The following NTRK3 variants were observed in gnomAD, a reference collection of about 807,000 sequenced individuals.
The protein encoded by NTRK3 is neurotrophic receptor tyrosine kinase 3.
A neutral mutation model predicts 91.7 loss-of-function variants in NTRK3; 24 were observed. The observed-to-expected ratio is 0.26, with a 90% CI of 0.19 to 0.37. The LOEUF (loss-of-function observed/expected upper bound fraction) is 0.37. Ranked by LOEUF, NTRK3 falls within the 10% of genes least tolerant of loss-of-function variation. The pLI is 1.00. For missense variants in NTRK3, 880 were observed against 1,068.9 expected (o/e 0.82, Z 2.46); for synonymous variants, 483 against 404.0 (o/e 1.20, Z -2.34).
chr15:88,239,394 C>A (rs865936738), intron 3 of NTRK3, among the ~76,000 whole-genome samples: 5 of 151,636 alleles, frequency 3.3e-5, no homozygotes, highest in African/African-American at 1.2e-4. Flanking sequence ...TCAACTACAC[C>A]TTGGGGGCAA....
At chr15:88,161,581 C>A (rs964575736) in intron 5 of NTRK3, among the ~76,000 whole-genome samples, 3 of 152,182 alleles carry the variant, frequency 2.0e-5, no homozygotes, top group African/African-American at 7.2e-5. Context: ...CCTGGACTAA[C>A]TGGGACCATG....
chr15:88,160,581 C>T (rs2044357539), intron 5 of NTRK3, among the ~76,000 whole-genome samples: 1 of 152,184 alleles, frequency 6.6e-6, no homozygotes, highest in Non-Finnish European at 1.5e-5. Flanking sequence ...ACTTCCTCTG[C>T]CCCACTTCTA....
chr15:87,912,544 T>C (rs1179456256), intron 17 of NTRK3, among the ~76,000 whole-genome samples: 1 of 152,096 alleles, frequency 6.6e-6, no homozygotes, highest in Non-Finnish European at 1.5e-5. Context: ...AGAGGAGCAC[T>C]GAATTCACAG....
At chr15:88,070,403 G>C (rs2047000282) in intron 13 of NTRK3, among the ~76,000 whole-genome samples, 2 of 151,986 alleles carry the variant, frequency 1.3e-5, no homozygotes, top group Admixed American at 1.3e-4. Context: ...AGGGGCGCTG[G>C]GGTCTCTGTG....
chr15:88,113,802 C>G (rs185214223), intron 13 of NTRK3, among the ~76,000 whole-genome samples: 230 of 152,252 alleles, frequency 1.5e-3, no homozygotes, highest in African/African-American at 5.2e-3. Flanking sequence ...GCAACAGAAA[C>G]CATATGGCCA....
intron 14 of NTRK3, chr15:87,979,296 G>A: frequency 7.5e-7 from 1 of 1,331,996 alleles, no homozygotes; most frequent in Non-Finnish European, 1.1e-6. Context: ...CTCTCAGAGG[G>A]CCCAGCCTAC....
intron 14 of NTRK3, among the ~76,000 whole-genome samples, chr15:87,955,918 G>A (rs1025265521): frequency 3.9e-5 from 6 of 152,094 alleles, no homozygotes; most frequent in Non-Finnish European, 7.4e-5. Flanking sequence ...TCTCCAGCAG[G>A]GAATAAGAGA....
chr15:87,954,261 G>A (rs1045833743), intron 14 of NTRK3, among the ~76,000 whole-genome samples: 1 of 152,072 alleles, frequency 6.6e-6, no homozygotes, highest in Non-Finnish European at 1.5e-5. Flanking sequence ...TATGTGAGAT[G>A]AGATGTTTCC....
At chr15:87,889,652 G>A (rs940302241) in intron 17 of NTRK3, among the ~76,000 whole-genome samples, 2 of 151,972 alleles carry the variant, frequency 1.3e-5, no homozygotes, top group Non-Finnish European at 2.9e-5. Context: ...CCTTAAAGTT[G>A]CAACAGGGGC....
intron 3 of NTRK3, among the ~76,000 whole-genome samples, chr15:88,197,010 A>G (rs1271197093): frequency 2.2e-5 from 3 of 138,402 alleles, no homozygotes; most frequent in Middle Eastern, 3.9e-3. Context: ...TGGTCAGTCA[A>G]TTTTAACTTA....
intron 13 of NTRK3, among the ~76,000 whole-genome samples, chr15:88,106,213 G>A (rs1396515186): frequency 6.6e-6 from 1 of 152,220 alleles, no homozygotes; most frequent in Non-Finnish European, 1.5e-5. Context: ...CTGCTACAGC[G>A]GCCGGCAGGA....
At chr15:88,180,631 C>A (rs977261988) in intron 5 of NTRK3, among the ~76,000 whole-genome samples, 1 of 145,932 alleles carries the variant, frequency 6.9e-6, no homozygotes, top group Non-Finnish European at 1.5e-5. Flanking sequence ...TCACTTCCTA[C>A]TTCTTATTTT....
At chr15:88,145,968 A>G (rs1460013667) in intron 6 of NTRK3, among the ~76,000 whole-genome samples, 1 of 152,220 alleles carries the variant, frequency 6.6e-6, no homozygotes, top group Non-Finnish European at 1.5e-5. Context: ...CTATTCAGTG[A>G]GTGACCTTAA....
chr15:88,077,515 A>G (rs1202366790), intron 13 of NTRK3, among the ~76,000 whole-genome samples: 1 of 152,054 alleles, frequency 6.6e-6, no homozygotes, highest in Non-Finnish European at 1.5e-5. Flanking sequence ...AAACCTTGAG[A>G]AACCCGGCAC....
intron 3 of NTRK3, among the ~76,000 whole-genome samples, chr15:88,212,140 G>A (rs890461838): frequency 1.3e-5 from 2 of 152,068 alleles, no homozygotes; most frequent in Non-Finnish European, 2.9e-5. Context: ...AGGCCGAGGT[G>A]GGCACATCAC....
chr15:87,904,782 T>G (rs963834853), intron 17 of NTRK3, among the ~76,000 whole-genome samples: 7 of 152,236 alleles, frequency 4.6e-5, no homozygotes, highest in African/African-American at 1.2e-4. Flanking sequence ...CTTCTCATCT[T>G]TACCCTGATT....
intron 14 of NTRK3, among the ~76,000 whole-genome samples, chr15:87,961,945 A>C (rs543906992): frequency 8.5e-5 from 13 of 152,344 alleles, no homozygotes; most frequent in South Asian, 8.3e-4. Flanking sequence ...CACATGGCTG[A>C]GTGGACTTCC....
chr15:88,009,709 A>C (rs1182757027), intron 14 of NTRK3, among the ~76,000 whole-genome samples: 3 of 152,160 alleles, frequency 2.0e-5, no homozygotes, highest in Non-Finnish European at 4.4e-5. Context: ...TATGATGTTA[A>C]ATGACCTGTG....
intron 13 of NTRK3, among the ~76,000 whole-genome samples, chr15:88,083,929 A>G (rs530311713): frequency 1.3e-5 from 2 of 152,154 alleles, no homozygotes; most frequent in East Asian, 1.9e-4. Flanking sequence ...ATTCTGTCCC[A>G]GACCCTGGCA....
Sources: allele counts gnomAD v4.1 joint callset (sites outside exome capture counted in the v4.1 genomes callset), GRCh38; gene constraint gnomAD v4.1.1; transcripts MANE v1.5; gene names NCBI Gene and HGNC (gene_info 2026-07-23, HGNC 2026-07-21).